GALNT13: variants seen among roughly 807,000 people sequenced by gnomAD.
The protein encoded by GALNT13 is polypeptide N-acetylgalactosaminyltransferase 13.
A neutral mutation model predicts 64.2 loss-of-function variants in GALNT13; 28 were observed. The observed-to-expected ratio is 0.44, with a 90% confidence interval of 0.32 to 0.60. GALNT13 has a LOEUF of 0.60. Ranked by LOEUF, GALNT13 falls within the 20% of genes least tolerant of loss-of-function variation. The pLI is 0.05. For missense variants in GALNT13, 577 were observed against 669.8 expected (o/e 0.86, Z 1.53); for synonymous variants, 214 against 224.6 (o/e 0.95, Z 0.42).
chr2:154,061,352 T>TG (rs1700173245), intron 3 of GALNT13, among the ~76,000 whole-genome samples: 1 of 152,210 alleles, frequency 6.6e-6, no homozygotes, highest in Non-Finnish European at 1.5e-5. Context: ...CCATGTGACC[T>TG]GACAGGTAAA....
intron 1 of GALNT13, among the ~76,000 whole-genome samples, chr2:153,874,197 G>A (rs1259834986): frequency 6.7e-6 from 1 of 150,052 alleles, no homozygotes; most frequent in Non-Finnish European, 1.5e-5. Flanking sequence ...GGATAGGTCT[G>A]GAGAATTTGC....
the GALNT13 span, among the ~76,000 whole-genome samples, chr2:153,502,941 T>C: frequency 6.6e-6 from 1 of 152,222 alleles, no homozygotes; most frequent in Non-Finnish European, 1.5e-5. Context: ...TTTAAATTTC[T>C]TGCTGATTTG....
chr2:153,808,293 C>T, the GALNT13 span, among the ~76,000 whole-genome samples: 2 of 152,052 alleles, frequency 1.3e-5, no homozygotes, highest in Non-Finnish European at 1.5e-5. Flanking sequence ...TTTCCCACGA[C>T]ATTTTCAACT....
chr2:154,062,439 A>G lies in GALNT13; in HGVS notation c.143-77898A>G, dbSNP rs139942968. On this transcript the variant is annotated intron_variant, in intron 3 of 12. Transcript: ENST00000392825. Reference sequence around the variant, plus strand: ...TATTAGTCTGTTCTCACTCTGCTAAAAAGAACTACCTGAGACTGGATAATT... The same window carrying G: ...TATTAGTCTGTTCTCACTCTGCTAAGAAGAACTACCTGAGACTGGATAATT... Among the ~76,000 whole-genome samples the G allele has an allele frequency of 7.1e-3, 1,083 of 152,238 alleles. 17 individuals are homozygous for G. The highest frequency in any genetic ancestry group is 0.025 in the African/African-American group (1,042 of 41,530).
intron 8 of GALNT13, 132 bp from the exon 9 acceptor site, chr2:154,301,277 G>A: frequency 2.8e-6 from 2 of 720,334 alleles, no homozygotes; most frequent in South Asian, 2.1e-5. Context: ...AGTAAGTATA[G>A]TGTACCAGTT....
At chr2:153,467,864 C>G in the GALNT13 span, among the ~76,000 whole-genome samples, 1 of 151,948 alleles carries the variant, frequency 6.6e-6, no homozygotes, top group Non-Finnish European at 1.5e-5. Flanking sequence ...AAAATAAGAC[C>G]ATATCATATG....
upstream of GALNT13, among the ~76,000 whole-genome samples, chr2:153,871,432 C>G (rs1685921171): frequency 6.6e-6 from 1 of 152,158 alleles, no homozygotes; most frequent in Non-Finnish European, 1.5e-5. Flanking sequence ...TCAAGTACCC[C>G]GCAGCATCTC....
the GALNT13 span, among the ~76,000 whole-genome samples, chr2:153,408,314 A>G: frequency 6.6e-6 from 1 of 152,146 alleles, no homozygotes; most frequent in Non-Finnish European, 1.5e-5. Flanking sequence ...AGAAGAGCTG[A>G]CAAGATGAGA....
At chr2:154,075,136 G>T (rs1481085931) in intron 3 of GALNT13, among the ~76,000 whole-genome samples, 4 of 151,804 alleles carry the variant, frequency 2.6e-5, no homozygotes, top group African/African-American at 9.7e-5. Flanking sequence ...GAAATGAGAG[G>T]TGAGAGGATC....
chr2:154,343,314 G>A (rs2105230658), intron 9 of GALNT13, among the ~76,000 whole-genome samples: 1 of 152,062 alleles, frequency 6.6e-6, no homozygotes, highest in South Asian at 2.1e-4. Context: ...TTAGGGAAGG[G>A]GAACAACTTA....
At chr2:153,835,946 T>G in the GALNT13 span, among the ~76,000 whole-genome samples, 1 of 152,028 alleles carries the variant, frequency 6.6e-6, no homozygotes, top group Non-Finnish European at 1.5e-5. Context: ...TTGGGGGGAA[T>G]AGTGAACCTA....
At chr2:153,917,666 T>C (rs1191908098) in intron 2 of GALNT13, among the ~76,000 whole-genome samples, 1 of 152,128 alleles carries the variant, frequency 6.6e-6, no homozygotes, top group African/African-American at 2.4e-5. Context: ...TCTCTTAAAA[T>C]TCTATCCAAA....
At chr2:153,844,484 C>G in the GALNT13 span, among the ~76,000 whole-genome samples, 20 of 152,196 alleles carry the variant, frequency 1.3e-4, no homozygotes, top group African/African-American at 4.3e-4. Context: ...CCTACCTAGG[C>G]CTCTGGGCCT....
At chr2:153,098,786 G>A in the GALNT13 span, among the ~76,000 whole-genome samples, 2 of 152,036 alleles carry the variant, frequency 1.3e-5, no homozygotes, top group African/African-American at 2.4e-5. Context: ...TTCCTGAGTC[G>A]AATTCCTAAG....
the GALNT13 span, among the ~76,000 whole-genome samples, chr2:153,533,427 T>G: frequency 6.6e-6 from 1 of 151,980 alleles, no homozygotes; most frequent in Non-Finnish European, 1.5e-5. Context: ...AATTTTTGTA[T>G]TTTTAGTAGA....
chr2:154,310,965 A>AGAATATATATTCATAGAATATTCTAT (rs1694000561), intron 9 of GALNT13, among the ~76,000 whole-genome samples: 1 of 145,940 alleles, frequency 6.9e-6, no homozygotes, highest in Non-Finnish European at 1.5e-5. Flanking sequence ...GAATATTCTA[A>AGAATATATATTCATAGAATATTCTAT]GAATATATAT....
the GALNT13 span, among the ~76,000 whole-genome samples, chr2:153,843,902 C>A: frequency 1.3e-5 from 2 of 152,176 alleles, no homozygotes; most frequent in Admixed American, 1.3e-4. Context: ...CAGAGCATAC[C>A]AGTGTAAAGT....
chr2:154,044,043 GCCTGGGTGACAGAGTTAGACT>G lies in GALNT13; in HGVS notation c.143-96292_143-96272del, dbSNP rs573459737. On this transcript the variant is annotated intron_variant, in intron 3 of 12. Coordinates refer to ENST00000392825, the MANE Select transcript of GALNT13 (RefSeq NM_052917.4). ...GCAGAGATGGCACCACTGCACTCCAGCCTGGGTGACAGAGTTAGACTCTGTCTCAAAAAAATAAAAAATAAA... is the reference window on the plus strand; with the variant it reads ...GCAGAGATGGCACCACTGCACTCCAGCTGTCTCAAAAAAATAAAAAATAAA... Among the ~76,000 whole-genome samples the G allele has an allele frequency of 1.2e-4, 19 of 152,078 alleles. No individual in the cohort carries two copies. The East Asian group carries it at 2.7e-3, about 22-fold the overall frequency.
the GALNT13 span, among the ~76,000 whole-genome samples, chr2:153,205,005 G>A: frequency 0.29 from 44,151 of 151,864 alleles, 6,575 homozygotes; most frequent in Middle Eastern, 0.42. Flanking sequence ...TAAAAGTCTT[G>A]AAGCAAAGAC....
Sources: allele counts gnomAD v4.1 joint callset (sites outside exome capture counted in the v4.1 genomes callset), GRCh38; gene constraint gnomAD v4.1.1; transcripts MANE v1.5; gene names NCBI Gene and HGNC (gene_info 2026-07-23, HGNC 2026-07-21).